Variants in CFHR3 observed in about 807,000 individuals in gnomAD.
CFHR3 encodes complement factor H related 3.
CFHR3 carries 22 observed loss-of-function variants against 36.0 expected under a neutral mutation model. The observed-to-expected ratio is 0.61, with a 90% CI of 0.44 to 0.87. The LOEUF is 0.87. Ranked by LOEUF, CFHR3 falls within the 40% of genes least tolerant of loss-of-function variation. The probability of loss-of-function intolerance (pLI) is 0.00; values close to 1 mark genes in which losing one functional copy is unlikely to be tolerated. For missense variants in CFHR3, 276 were observed against 401.3 expected, an observed-to-expected ratio of 0.69 and a Z score of 2.67; for synonymous variants, 97 against 137.4, an observed-to-expected ratio of 0.71 and a Z score of 2.06.
chr1:196,782,649 A>T lies in CFHR3; in HGVS notation c.430+2676A>T, dbSNP rs1184672138. On this transcript the variant is annotated intron_variant, in intron 3 of 5. Coordinates refer to ENST00000367425, the MANE Select transcript of CFHR3 (RefSeq NM_021023.6). The stretch of plus-strand genomic sequence containing the variant: ...GAATGCTTGTGATTTTTGTACATTG[A>T]TTTTGTATCCTGAGACTTTGCTGAA... 6.6e-5 allele frequency among the ~76,000 whole-genome samples: 9 copies of T among 136,800 alleles called. 1 individual carries two copies. The highest frequency in any genetic ancestry group is 5.6e-4 in the Admixed American group (8 of 14,180). 89.7% of individuals were successfully genotyped at this position (136,800 alleles called of 152,430 possible).
rs1429390618 is a variant in CFHR3, at chr1:196,782,115, A to G, written c.430+2142A>G. On this transcript the variant is annotated intron_variant, in intron 3 of 5. Coordinates refer to ENST00000367425, the MANE Select transcript of CFHR3 (RefSeq NM_021023.6). ...TTTGTCAAAGATCAGATAGTTGTAG[A>G]TATGCAGCGTTATTTCTGAGGGCTC... 2.2e-5 allele frequency among the ~76,000 whole-genome samples: 3 copies of G among 136,574 alleles called. No individual in the cohort carries two copies. The East Asian group carries it at 5.9e-4, about 27-fold the overall frequency. The allele number at this position is 136,574 out of a possible 152,430, so 89.6% of individuals were successfully genotyped here. A position where few individuals can be genotyped will look rare whatever the true frequency, so the allele number is the denominator to read the frequency against.
intron 4 of CFHR3, chr1:196,788,609 T>C (rs1654302625): frequency 7.9e-7 from 1 of 1,268,688 alleles, no homozygotes; most frequent in Non-Finnish European, 1.1e-6. Context: ...CTCTTACAAC[T>C]CAATCTGCCT....
At chr1:196,793,211 G>T (rs1654479571) in intron 5 of CFHR3, 106 bp from the exon 6 acceptor site, 3 of 1,060,316 alleles carry the variant, frequency 2.8e-6, no homozygotes, top group Non-Finnish European at 2.6e-6. Context: ...TTAACTATTT[G>T]GATTATTTTA....
chr1:196,786,779 TGCTTTGGCTCACGCACGGTGC>T (rs1441049949), intron 3 of CFHR3, among the ~76,000 whole-genome samples: 1 of 137,400 alleles, frequency 7.3e-6, no homozygotes, highest in East Asian at 2.0e-4. Context: ...TGCCTTCCCC[TGCTTTGGCTCACGCACGGTGC>T]GCTGCACCCA....
chr1:196,778,531 A>AAT (rs2124840425), intron 1 of CFHR3, among the ~76,000 whole-genome samples: 1 of 136,194 alleles, frequency 7.3e-6, no homozygotes, highest in South Asian at 2.6e-4. Context: ...AGAATGTAAG[A>AAT]ATATATATAT....
Position 196,794,082 on chromosome 1 carries a change from A to G in CFHR3, c.*569A>G, listed in dbSNP as rs1287399186. ...TATTATCATTTTCCTGTGAAAAAAG[A>G]AAAGAGGTTTTGCTAACCCTTTCAG... On this transcript the variant is annotated 3_prime_UTR_variant, in exon 6 of 6. Coordinates refer to ENST00000367425, the MANE Select transcript of CFHR3 (RefSeq NM_021023.6). 5 of 141,702 alleles carry G rather than the reference A, an allele frequency of 3.5e-5. 1 individual carries two copies. The highest frequency in any genetic ancestry group is 7.4e-5 in the Non-Finnish European group (5 of 67,790). The allele number at this position is 141,702 out of a possible 1,614,324, so 8.8% of individuals were successfully genotyped here. A position where few individuals can be genotyped will look rare whatever the true frequency, so the allele number is the denominator to read the frequency against.
At chr1:196,786,894 C>A (rs1446556081) in intron 3 of CFHR3, among the ~76,000 whole-genome samples, 1 of 137,410 alleles carries the variant, frequency 7.3e-6, no homozygotes, top group Non-Finnish European at 1.5e-5. Flanking sequence ...CCGTCTTCTG[C>A]GTCGCTCACG....
At chr1:196,781,878 A>C (rs1308322951) in intron 3 of CFHR3, among the ~76,000 whole-genome samples, 1 of 136,526 alleles carries the variant, frequency 7.3e-6, no homozygotes, top group Non-Finnish European at 1.6e-5. Context: ...GTCCTTGCCC[A>C]TGCCTATGTC....
rs1425802132 is a variant in CFHR3, at chr1:196,790,941, A to G, written c.796+714A>G. 3.0e-4 allele frequency among the ~76,000 whole-genome samples: 41 copies of G among 136,024 alleles called. 12 individuals are homozygous for G. Among genetic ancestry groups the G allele is most frequent in the African/African-American group, 1.2e-3 (40 of 32,512 alleles). 89.2% of individuals were successfully genotyped at this position (136,024 alleles called of 152,430 possible). A position where few individuals can be genotyped will look rare whatever the true frequency, so the allele number is the denominator to read the frequency against. On this transcript the variant is annotated intron_variant, in intron 5 of 5. Coordinates refer to ENST00000367425, the MANE Select transcript of CFHR3 (RefSeq NM_021023.6). ...CAGCTTAACACCAGTAATCATTTTC[A>G]CATTATTAACACTTAGGTAAAGAGT... is the stretch of plus-strand genomic sequence containing the variant.
chr1:196,775,256 G>A lies in CFHR3; in HGVS notation c.58+312G>A, dbSNP rs1239178332. On this transcript the variant is annotated intron_variant, in intron 1 of 5. Coordinates refer to ENST00000367425, the MANE Select transcript of CFHR3 (RefSeq NM_021023.6). ...TAAGTAGGAAACATGTCATTAGACA[G>A]ATTCTAAGCTTAAAATGTTCAGAAT... 2.9e-5 allele frequency among the ~76,000 whole-genome samples: 4 copies of A among 137,074 alleles called. 1 individual carries two copies. Among genetic ancestry groups the A allele is most frequent in the African/African-American group, 1.2e-4 (4 of 33,088 alleles). The allele number at this position is 137,074 out of a possible 152,430, so 89.9% of individuals were successfully genotyped here. A position where few individuals can be genotyped will look rare whatever the true frequency, so the allele number is the denominator to read the frequency against.
intron 3 of CFHR3, among the ~76,000 whole-genome samples, chr1:196,780,808 A>G (rs1573110323): frequency 7.6e-6 from 1 of 131,278 alleles, no homozygotes; most frequent in East Asian, 2.0e-4. Flanking sequence ...TTTATATTTT[A>G]TTATTATTAT....
At chr1:196,790,385 A>C (rs1654379486) in intron 5 of CFHR3, among the ~76,000 whole-genome samples, 158 bp downstream of exon 5, 1 of 125,556 alleles carries the variant, frequency 8.0e-6, no homozygotes, top group Non-Finnish European at 1.6e-5. Flanking sequence ...ATATAAGTGT[A>C]TAAGCTTGGA....
At chr1:196,788,835 A>T in intron 4 of CFHR3, 1 of 1,454,948 alleles carries the variant, frequency 6.9e-7, no homozygotes, top group Admixed American at 2.0e-5. Context: ...TGCTAGCGTC[A>T]GGAGAATCAG....
In CFHR3 at chr1:196,779,134, T is replaced by C. The variant is rs770543655; in HGVS notation, c.59-28T>C. On this transcript the variant is annotated intron_variant, in intron 1 of 5. Coordinates refer to ENST00000367425, the MANE Select transcript of CFHR3 (RefSeq NM_021023.6). ...GATTTATTACAGTAAAAATTATTTATACTTTTTTGTTTGTTTTTTATTGCA... is the reference window on the plus strand; with the variant it reads ...GATTTATTACAGTAAAAATTATTTACACTTTTTTGTTTGTTTTTTATTGCA... The C allele has an allele frequency of 4.2e-6, 6 of 1,430,188 alleles. 2 individuals carry two copies. The highest frequency in any genetic ancestry group is 5.7e-6 in the Non-Finnish European group (6 of 1,046,124). The allele number at this position is 1,430,188 out of a possible 1,614,324, so 88.6% of individuals were successfully genotyped here.
rs139897005 is a variant in CFHR3, at chr1:196,777,589, T to G, written c.59-1573T>G. ...CCTACTACAGACCAAGTTCCAATAA[T>G]TTCCCTATGAAATTCCAGTGCCTTT... is the stretch of plus-strand genomic sequence containing the variant. On this transcript the variant is annotated intron_variant, in intron 1 of 5. Coordinates refer to ENST00000367425, the MANE Select transcript of CFHR3 (RefSeq NM_021023.6). Among the ~76,000 whole-genome samples, 223 of 137,102 alleles carry G rather than the reference T, an allele frequency of 1.6e-3. 60 individuals carry two copies. The highest frequency in any genetic ancestry group is 6.2e-3 in the African/African-American group (205 of 32,876). The allele number at this position is 137,102 out of a possible 152,430, so 89.9% of individuals were successfully genotyped here.
In CFHR3 at chr1:196,791,336, A is replaced by T. The variant is rs1363890236; in HGVS notation, c.796+1109A>T. Among the ~76,000 whole-genome samples the T allele has an allele frequency of 1.5e-5, 2 of 136,714 alleles. 1 individual carries two copies. Among genetic ancestry groups the T allele is most frequent in the African/African-American group, 6.1e-5 (2 of 32,590 alleles). 89.7% of individuals were successfully genotyped at this position (136,714 alleles called of 152,430 possible). On this transcript the variant is annotated intron_variant, in intron 5 of 5. Transcript: ENST00000367425. ...TCAAAAAATATAAGCCACAATGATT[A>T]TGGCAACAACAAGAAAACCTAAAAG...
rs1436703039 is a variant in CFHR3 at position 196,781,467 on chromosome 1, T to C, written c.430+1494T>C. Among the ~76,000 whole-genome samples, 2 of 133,952 alleles carry C rather than the reference T, an allele frequency of 1.5e-5. 1 individual carries two copies. Among genetic ancestry groups the C allele is most frequent in the Non-Finnish European group, 3.1e-5 (2 of 63,770 alleles). The allele number at this position is 133,952 out of a possible 152,430, so 87.9% of individuals were successfully genotyped here. A position where few individuals can be genotyped will look rare whatever the true frequency, so the allele number is the denominator to read the frequency against. ...TTCACATCCTCTCCAGCACCTGTTG[T>C]TTCCTGACTTTTTAATGATTGCCAT... On this transcript the variant is annotated intron_variant, in intron 3 of 5. Transcript: ENST00000367425.
At chr1:196,790,445 G>C (rs1654380723) in intron 5 of CFHR3, among the ~76,000 whole-genome samples, 1 of 132,790 alleles carries the variant, frequency 7.5e-6, no homozygotes, top group Non-Finnish European at 1.6e-5. Flanking sequence ...CAGGAATGTC[G>C]GCCTGGGGTG....
chr1:196,780,263 G>A (rs1460864349), intron 3 of CFHR3, among the ~76,000 whole-genome samples: 1 of 136,822 alleles, frequency 7.3e-6, no homozygotes, highest in African/African-American at 3.1e-5. Context: ...TTAATGTCTC[G>A]GGTAAATACC....
Sources: allele counts gnomAD v4.1 joint callset (sites outside exome capture counted in the v4.1 genomes callset), GRCh38; gene constraint gnomAD v4.1.1; transcripts MANE v1.5; gene names NCBI Gene and HGNC (gene_info 2026-07-23, HGNC 2026-07-21).